Variants in DNAH9 observed in about 807,000 individuals in gnomAD.
DNAH9 encodes DNAH9 variant protein.
DNAH9 carries 345 observed loss-of-function variants against 471.6 expected under a neutral mutation model. The ratio of observed to expected loss-of-function variants is 0.73; its 90% confidence interval spans 0.67 to 0.80. The LOEUF (loss-of-function observed/expected upper bound fraction) is 0.80. DNAH9 is among the 30% of genes least tolerant of loss of function. DNAH9 has a pLI of 0.00. For missense variants in DNAH9, 5,407 were observed against 5,609.2 expected (o/e 0.96, Z 1.15); for synonymous variants, 2,093 against 2,123.6 (o/e 0.99, Z 0.40).
At chr17:11,667,296 A>G (rs893641840) in intron 15 of DNAH9, among the ~76,000 whole-genome samples, 1 of 67,394 alleles carries the variant, frequency 1.5e-5, no homozygotes, top group Admixed American at 1.2e-4. Flanking sequence ...TTTTATAAAC[A>G]TAGTAGTTTT....
intron 67 of DNAH9, among the ~76,000 whole-genome samples, chr17:11,953,188 G>A (rs917886094): frequency 7.2e-5 from 11 of 152,126 alleles, no homozygotes; most frequent in South Asian, 2.1e-4. Context: ...GGCCCAGTCC[G>A]TAGAGGGGGT....
chr17:11,613,253 G>A (rs2072674152), intron 4 of DNAH9, among the ~76,000 whole-genome samples: 1 of 152,116 alleles, frequency 6.6e-6, no homozygotes, highest in Non-Finnish European at 1.5e-5. Flanking sequence ...ACTTCCAGGA[G>A]ACAGGTGTCC....
chr17:11,925,346 C>A, intron 62 of DNAH9: 1 of 335,950 alleles, frequency 3.0e-6, no homozygotes, highest in Non-Finnish European at 5.9e-6. Context: ...CTCCTGATTA[C>A]TGGTGACATC....
rs763563309 is a variant in DNAH9, at chr17:11,664,981, T to G, written c.2731+13T>G. The G allele has an allele frequency of 4.4e-6, 7 of 1,608,496 alleles. No homozygotes were observed. The highest frequency in any genetic ancestry group is 5.1e-6 in the Non-Finnish European group (6 of 1,176,688). On this transcript the variant is annotated intron_variant, in intron 15 of 68. Coordinates refer to ENST00000262442, the MANE Select transcript of DNAH9 (RefSeq NM_001372.4). ...CTGGAAAATACTGGTACTTACTGGCTTATGGATGTGGGTTATTATTGGAAA... is the reference window on the plus strand; with the variant it reads ...CTGGAAAATACTGGTACTTACTGGCGTATGGATGTGGGTTATTATTGGAAA...
At chr17:11,705,878 A>G (rs1399722368) in intron 26 of DNAH9, among the ~76,000 whole-genome samples, 2 of 152,200 alleles carry the variant, frequency 1.3e-5, no homozygotes, top group Admixed American at 1.3e-4. Flanking sequence ...TAAAAAGCAT[A>G]CTGGTAACCC....
Position 11,956,411 on chromosome 17 carries a change from CT to C in DNAH9, c.12844-5455del, listed in dbSNP as rs143510214. On this transcript the variant is annotated intron_variant, in intron 67 of 68. Coordinates refer to ENST00000262442, the MANE Select transcript of DNAH9 (RefSeq NM_001372.4). ...AATTATAGTTGGTTTCAAAACTCCT[CT>C]CTCAATATTTAGTAGAACAAGTAGA... is the stretch of plus-strand genomic sequence containing the variant. Among the ~76,000 whole-genome samples, 582 of 152,212 alleles carry C rather than the reference CT, an allele frequency of 3.8e-3. 5 individuals are homozygous for C. Among genetic ancestry groups the C allele is most frequent in the African/African-American group, 0.013 (552 of 41,526 alleles).
chr17:11,769,826 C>T (rs566625280), intron 38 of DNAH9, among the ~76,000 whole-genome samples: 82 of 152,356 alleles, frequency 5.4e-4, no homozygotes, highest in Non-Finnish European at 1.0e-3. Context: ...TGCTTTTCCC[C>T]GGTGTTTACA....
chr17:11,737,157 G>GA (rs1386419082), intron 28 of DNAH9, among the ~76,000 whole-genome samples: 1 of 152,210 alleles, frequency 6.6e-6, no homozygotes, highest in Admixed American at 6.5e-5. Flanking sequence ...TCTGCACGTA[G>GA]AAAAGAAGTC....
Position 11,961,941 on chromosome 17 carries a change from G to A in DNAH9, c.12918G>A (p.Trp4306Ter). 1 of 1,614,154 alleles carries A rather than the reference G, an allele frequency of 6.2e-7. No individual in the cohort carries two copies. The highest frequency in any genetic ancestry group is 8.5e-7 in the Non-Finnish European group (1 of 1,180,036). ...ACTTCGATATGGTGCCAGAGTCCTG[G>A]GCTAGACGAGCCTACCCTTCCACAG... ...ALYFDMVPES[W>*]ARRAYPSTAG... Residue 4306 changes from tryptophan to a stop codon, truncating the protein, a stop_gained, in exon 68 of 69, where the codon TGG (tryptophan) becomes TGA (stop). Coordinates refer to ENST00000262442, the MANE Select transcript of DNAH9 (RefSeq NM_001372.4). LOFTEE classifies it high-confidence loss of function.
At chr17:11,874,925 G>T in intron 52 of DNAH9, 24 bp from the exon 53 acceptor site, 1 of 1,540,800 alleles carries the variant, frequency 6.5e-7, no homozygotes, top group Non-Finnish European at 9.0e-7. Flanking sequence ...TTCTGAGCGT[G>T]GGGTGGTGTT....
intron 53 of DNAH9, among the ~76,000 whole-genome samples, chr17:11,876,908 A>C (rs1972508344): frequency 6.6e-6 from 1 of 151,678 alleles, no homozygotes; most frequent in Non-Finnish European, 1.5e-5. Flanking sequence ...TTGTATTTTT[A>C]GTAGAGACCG....
rs2074558243 is a variant in DNAH9, at chr17:11,699,758, GACA to G, written c.4904_4906del (p.Asn1635del). On this transcript the variant is annotated inframe_deletion, in exon 23 of 69. Transcript: ENST00000262442. ...TCAACGTCACCTTTCCAAACTCTTT[GACA>G]ACATGGCCAAGATGCGATTCCAGCT... is the stretch of plus-strand genomic sequence containing the variant. The G allele has an allele frequency of 6.2e-7, 1 of 1,613,998 alleles. No individual in the cohort carries two copies. Among genetic ancestry groups the G allele is most frequent in the African/African-American group, 1.3e-5 (1 of 74,902 alleles).
At chr17:11,856,811 C>T (rs1468354758) in intron 50 of DNAH9, among the ~76,000 whole-genome samples, 2 of 152,140 alleles carry the variant, frequency 1.3e-5, no homozygotes, top group East Asian at 3.9e-4. Flanking sequence ...ATGATAATCA[C>T]CATAACAATT....
chr17:11,959,573 A>T (rs1018353853), intron 67 of DNAH9, among the ~76,000 whole-genome samples: 1 of 152,240 alleles, frequency 6.6e-6, no homozygotes, highest in Non-Finnish European at 1.5e-5. Context: ...AGAGATTCCA[A>T]ACAAAGGAAA....
chr17:11,923,742 A>C, intron 61 of DNAH9, 72 bp from the exon 62 acceptor site: 6 of 1,583,538 alleles, frequency 3.8e-6, no homozygotes, highest in Non-Finnish European at 3.4e-6. Context: ...GAGCGTGTGC[A>C]TTTCCTTATG....
rs536831152 is a variant in DNAH9, at chr17:11,599,603, G to C, written c.417+688G>C. Among the ~76,000 whole-genome samples the C allele has an allele frequency of 5.3e-5, 8 of 152,266 alleles. No homozygotes were observed. In the South Asian group the frequency reaches 1.7e-3, roughly 32 times the overall value. ...CTCAGGGAGGAAGGTGGAGATGTGG[G>C]TCATGAGTGCTTTAGTGGCACCACA... On this transcript the variant is annotated intron_variant, in intron 1 of 68. Coordinates refer to ENST00000262442, the MANE Select transcript of DNAH9 (RefSeq NM_001372.4).
At chr17:11,637,425 G>A (rs958368952) in intron 9 of DNAH9, among the ~76,000 whole-genome samples, 35 of 152,004 alleles carry the variant, frequency 2.3e-4, no homozygotes, top group African/African-American at 7.3e-4. Flanking sequence ...AGTGCTGCTC[G>A]GCTTGAGTTG....
intron 24 of DNAH9, among the ~76,000 whole-genome samples, chr17:11,703,090 C>CAAAA (rs535913798): frequency 6.7e-4 from 59 of 87,816 alleles, no homozygotes; most frequent in African/African-American, 2.2e-3. Context: ...GAGACTGTCT[C>CAAAA]AAAAAAAAAA....
chr17:11,670,436 C>G (rs1277144681), intron 17 of DNAH9, among the ~76,000 whole-genome samples: 2 of 152,184 alleles, frequency 1.3e-5, no homozygotes, highest in Admixed American at 1.3e-4. Context: ...CGACCCCCTT[C>G]TCAGAATCCC....
Sources: allele counts gnomAD v4.1 joint callset (sites outside exome capture counted in the v4.1 genomes callset), GRCh38; gene constraint gnomAD v4.1.1; transcripts MANE v1.5; gene names NCBI Gene and HGNC (gene_info 2026-07-23, HGNC 2026-07-21).